MEIOB: variants seen among roughly 807,000 people sequenced by gnomAD.
MEIOB encodes the protein meiosis-specific with OB domain-containing protein.
Under a neutral mutation model 53.1 loss-of-function variants are expected in MEIOB, and 50 were observed. The observed-to-expected ratio is 0.94, with a 90% CI of 0.75 to 1.19. The LOEUF (loss-of-function observed/expected upper bound fraction) is 1.19, where lower values mean the gene tolerates loss of function less well. Ranked by LOEUF, MEIOB falls within the 50% of genes most tolerant of loss-of-function variation. The pLI, the probability that MEIOB is intolerant of heterozygous loss-of-function variation, is 0.00. For missense variants in MEIOB, 551 were observed against 550.8 expected (o/e 1.00, Z 0.00); for synonymous variants, 192 against 182.5 (o/e 1.05, Z -0.42).
intron 11 of MEIOB, among the ~76,000 whole-genome samples, chr16:1,840,408 A>T (rs1351310041): frequency 6.6e-6 from 1 of 152,200 alleles, no homozygotes; most frequent in Non-Finnish European, 1.5e-5. Context: ...ACACGACTGC[A>T]TGTGAACCTG....
intron 6 of MEIOB, among the ~76,000 whole-genome samples, 192 bp from the exon 7 acceptor site, chr16:1,854,392 A>T (rs1596976373): frequency 6.6e-6 from 1 of 152,268 alleles, no homozygotes; most frequent in East Asian, 1.9e-4. Flanking sequence ...TGAAGTTGTA[A>T]GTCACACAAC....
intron 6 of MEIOB, among the ~76,000 whole-genome samples, chr16:1,855,931 CT>C (rs34688365): frequency 0.55 from 72,545 of 131,092 alleles, 21,057 homozygotes; most frequent in Middle Eastern, 0.74. Flanking sequence ...GTGTTTTTTC[CT>C]TTTTTTTTTT....
At chr16:1,857,709 T>G (rs755000682) in intron 6 of MEIOB, 26 bp downstream of exon 6, 3 of 1,544,540 alleles carry the variant, frequency 1.9e-6, no homozygotes, top group Admixed American at 2.0e-5. Context: ...CAGATTGCAC[T>G]TGGCTTTGTC....
chr16:1,862,905 C>G (rs1899482990), intron 3 of MEIOB, among the ~76,000 whole-genome samples: 1 of 151,094 alleles, frequency 6.6e-6, no homozygotes, highest in South Asian at 2.1e-4. Flanking sequence ...ACTCTTGTCT[C>G]AAAAATAAAT....
chr16:1,855,645 C>G lies in MEIOB; in HGVS notation c.529-1445G>C, dbSNP rs148723165. 2.0e-3 allele frequency among the ~76,000 whole-genome samples: 298 copies of G among 152,316 alleles called. 4 individuals carry two copies. Among genetic ancestry groups the G allele is most frequent in the African/African-American group, 6.9e-3 (286 of 41,574 alleles). Reference sequence around the variant, plus strand: ...TTACTTCATTATAAACGTAATAGCACTGTCTAGAATTTGGGGAAATCGCAA... The same window carrying G: ...TTACTTCATTATAAACGTAATAGCAGTGTCTAGAATTTGGGGAAATCGCAA... On this transcript the variant is annotated intron_variant, in intron 6 of 13. Transcript: ENST00000325962.
At chr16:1,835,774 A>G (rs1261476381) in intron 13 of MEIOB, among the ~76,000 whole-genome samples, 1 of 152,122 alleles carries the variant, frequency 6.6e-6, no homozygotes, top group Non-Finnish European at 1.5e-5. Flanking sequence ...CTTCTGCCCT[A>G]TAGAGGAGCC....
intron 1 of MEIOB, among the ~76,000 whole-genome samples, chr16:1,869,372 G>A (rs984910668): frequency 7.2e-5 from 11 of 151,842 alleles, no homozygotes; most frequent in African/African-American, 1.5e-4. Context: ...TGATCCGGCC[G>A]CCCCCAAAGT....
At chr16:1,847,748 G>A (rs1206428191) in intron 9 of MEIOB, among the ~76,000 whole-genome samples, 7 of 152,006 alleles carry the variant, frequency 4.6e-5, no homozygotes, top group South Asian at 2.1e-4. Flanking sequence ...GCCTAAAAAC[G>A]GCTGTAGACA....
chr16:1,867,585 GC>G (rs1297614774), intron 2 of MEIOB, among the ~76,000 whole-genome samples: 1 of 144,092 alleles, frequency 6.9e-6, no homozygotes, highest in Non-Finnish European at 1.5e-5. Context: ...CGATTCTCCT[GC>G]CTCAGCCTCC....
chr16:1,870,629 G>A (rs1899720219), intron 1 of MEIOB, among the ~76,000 whole-genome samples: 1 of 152,194 alleles, frequency 6.6e-6, no homozygotes, highest in African/African-American at 2.4e-5. Flanking sequence ...ATGCCTCGAT[G>A]TTCACAGGCT....
At chr16:1,834,428 G>A in intron 13 of MEIOB, 62 bp from the exon 14 acceptor site, 1 of 884,382 alleles carries the variant, frequency 1.1e-6, no homozygotes, top group Non-Finnish European at 1.9e-6. Context: ...TGTATATCAA[G>A]TTGAAAAATC....
At position 1,854,335 on chromosome 16, in the gene MEIOB, T is replaced by C. The variant is rs746894607; in HGVS notation, c.529-135A>G. On this transcript the variant is annotated intron_variant, in intron 6 of 13. Coordinates refer to ENST00000325962, the MANE Select transcript of MEIOB (RefSeq NM_001163560.3). Reference sequence around the variant, plus strand: ...TAAACTAGCAAGAACCAGTAATATATAGTTGATTATTTTAAAGCATCTATC... The same window carrying C: ...TAAACTAGCAAGAACCAGTAATATACAGTTGATTATTTTAAAGCATCTATC... The C allele has an allele frequency of 6.8e-6, 4 of 590,336 alleles. No homozygotes were observed. In the Admixed American group the frequency reaches 9.2e-5, roughly 14 times the overall value. The allele number at this position is 590,336 out of a possible 1,614,324, so 36.6% of individuals were successfully genotyped here.
rs1898678620 is a variant in MEIOB, at chr16:1,834,262, A to G, written c.1410T>C (p.His470=). 6.3e-7 allele frequency: 1 copy of G among 1,582,792 alleles called. No individual in the cohort carries two copies. The highest frequency in any genetic ancestry group is 1.3e-5 in the African/African-American group (1 of 74,272). The change falls in exon 14 of 14, where the codon CAT becomes CAC. Residue 470 remains histidine (H), a synonymous_variant. Coordinates refer to ENST00000325962, the MANE Select transcript of MEIOB (RefSeq NM_001163560.3). ...TTCAAAATGATAGACCGTTTTAAACATGTTTTTGTCCAGACAAGTTTCTGC... is the reference window on the plus strand; with the variant it reads ...TTCAAAATGATAGACCGTTTTAAACGTGTTTTTGTCCAGACAAGTTTCTGC... ...EASRNLSGQK[H]V
At chr16:1,847,495 G>A (rs546454024) in intron 9 of MEIOB, among the ~76,000 whole-genome samples, 1 of 151,620 alleles carries the variant, frequency 6.6e-6, no homozygotes, top group African/African-American at 2.4e-5. Flanking sequence ...CCTATTTTAG[G>A]GCCAAGCAAG....
intron 12 of MEIOB, 69 bp downstream of exon 12, chr16:1,839,186 C>G: frequency 2.1e-6 from 3 of 1,451,360 alleles, no homozygotes; most frequent in Non-Finnish European, 2.7e-6. Flanking sequence ...ACAAAACAAC[C>G]TATATTTTTT....
rs1167937070 is a variant in MEIOB, at chr16:1,837,882, AAAAATAT to A, written c.1219-19_1219-13del. ...AGAAACTCATGTACCTGGTTAAAAAAAAAATATGAGACAAATATATTTGAAGTTTACA... is the reference window on the plus strand; with the variant it reads ...AGAAACTCATGTACCTGGTTAAAAAAGAGACAAATATATTTGAAGTTTACA... On this transcript the variant is annotated splice_polypyrimidine_tract_variant and intron_variant, in intron 12 of 13. Transcript: ENST00000325962. 6.7e-7 allele frequency: 1 copy of A among 1,492,026 alleles called. No individual in the cohort carries two copies. The highest frequency in any genetic ancestry group is 2.5e-5 in the East Asian group (1 of 40,146). The allele number at this position is 1,492,026 out of a possible 1,614,324, so 92.4% of individuals were successfully genotyped here.
At chr16:1,866,810 G>A (rs1374863268) in intron 2 of MEIOB, among the ~76,000 whole-genome samples, 1 of 152,168 alleles carries the variant, frequency 6.6e-6, no homozygotes, top group Non-Finnish European at 1.5e-5. Flanking sequence ...GCTAATTGCA[G>A]CAACTGATTT....
chr16:1,856,999 T>C (rs929256504), intron 6 of MEIOB, among the ~76,000 whole-genome samples: 1 of 152,108 alleles, frequency 6.6e-6, no homozygotes, highest in African/African-American at 2.4e-5. Flanking sequence ...TGGGCTCAAG[T>C]GATCCCTCTG....
At chr16:1,868,239 AT>A in intron 1 of MEIOB, 55 bp from the exon 2 acceptor site, 1 of 986,872 alleles carries the variant, frequency 1.0e-6, no homozygotes, top group Non-Finnish European at 1.5e-6. Context: ...GAAATAAATC[AT>A]TTAAAAAATT....
Sources: allele counts gnomAD v4.1 joint callset (sites outside exome capture counted in the v4.1 genomes callset), GRCh38; gene constraint gnomAD v4.1.1; transcripts MANE v1.5; gene names NCBI Gene and HGNC (gene_info 2026-07-23, HGNC 2026-07-21).